PIK3CB: variants seen among roughly 807,000 people sequenced by gnomAD.
PIK3CB encodes phosphatidylinositol 4,5-bisphosphate 3-kinase catalytic subunit beta isoform.
Under a neutral mutation model 136.8 loss-of-function variants are expected in PIK3CB, and 39 were observed. That is an observed-to-expected ratio of 0.29 (90% CI 0.22 to 0.37). The LOEUF is 0.37. PIK3CB is among the 10% of genes least tolerant of loss of function. PIK3CB has a pLI of 1.00. For synonymous variants in PIK3CB, 428 were observed against 436.6 expected (o/e 0.98, Z 0.25); for missense variants, 868 against 1,275.4 (o/e 0.68, Z 4.87).
At position 138,763,023 on chromosome 3, in the gene PIK3CB, A is replaced by G. The variant is rs1417037511; in HGVS notation, c.-16-3664T>C. ...ACTTTGCTTATATTCAAATACCACC[A>G]TGCAAAGACAGAGGTGGAAGCCAGC... is the stretch of plus-strand genomic sequence containing the variant. On this transcript the variant is annotated intron_variant, in intron 2 of 23. Transcript: ENST00000674063. Among the ~76,000 whole-genome samples, 9 of 152,262 alleles carry G rather than the reference A, an allele frequency of 5.9e-5. No individual in the cohort carries two copies. The East Asian group carries it at 1.7e-3, about 29-fold the overall frequency.
chr3:138,672,954 AAGAAT>A (rs2043568047), intron 19 of PIK3CB, among the ~76,000 whole-genome samples: 1 of 151,730 alleles, frequency 6.6e-6, no homozygotes, highest in South Asian at 2.1e-4. Context: ...AGAGATGAAA[AAGAAT>A]AGAAAGTCTA....
chr3:138,752,929 G>T (rs1030617781), intron 4 of PIK3CB, among the ~76,000 whole-genome samples: 1 of 152,124 alleles, frequency 6.6e-6, no homozygotes, highest in Non-Finnish European at 1.5e-5. Flanking sequence ...GCAGGCATAG[G>T]AAGAGGTAAT....
chr3:138,705,186 C>CAA (rs1192112636), intron 11 of PIK3CB, among the ~76,000 whole-genome samples: 4 of 55,074 alleles, frequency 7.3e-5, no homozygotes, highest in East Asian at 1.3e-3. Flanking sequence ...AAAAACAAAA[C>CAA]AAACAAAAAA....
At chr3:138,805,633 C>T (rs1378315558) in intron 1 of PIK3CB, among the ~76,000 whole-genome samples, 1 of 151,952 alleles carries the variant, frequency 6.6e-6, no homozygotes, top group African/African-American at 2.4e-5. Flanking sequence ...GATTGCGCCA[C>T]AGCACTCCAG....
At chr3:138,778,375 C>T (rs975201451) in intron 2 of PIK3CB, 23 of 303,030 alleles carry the variant, frequency 7.6e-5, no homozygotes, top group African/African-American at 3.1e-4. Context: ...CACTGACATC[C>T]AGAAGACCAC....
intron 7 of PIK3CB, among the ~76,000 whole-genome samples, chr3:138,733,720 T>C (rs1325333570): frequency 6.6e-6 from 1 of 151,840 alleles, no homozygotes; most frequent in South Asian, 2.1e-4. Flanking sequence ...CTACTAAAAA[T>C]ACAAAAAATT....
At chr3:138,680,034 T>A (rs1210532177) in intron 19 of PIK3CB, among the ~76,000 whole-genome samples, 2 of 144,018 alleles carry the variant, frequency 1.4e-5, no homozygotes, top group Non-Finnish European at 3.0e-5. Flanking sequence ...AGGAAGCAAA[T>A]CTCTAATAAT....
At position 138,654,602 on chromosome 3, in the gene PIK3CB, A is replaced by T; in HGVS notation, c.*787T>A. On this transcript the variant is annotated 3_prime_UTR_variant, in exon 24 of 24. Coordinates refer to ENST00000674063, the MANE Select transcript of PIK3CB (RefSeq NM_006219.3). ...TTAATATGTGCCTCATTATAGAAGC[A>T]GCTGGAAGAACTGGATCACACAGTT... 4.4e-6 allele frequency: 1 copy of T among 227,414 alleles called. No individual in the cohort carries two copies. The highest frequency in any genetic ancestry group is 6.4e-5 in the East Asian group (1 of 15,726). 14.1% of individuals were successfully genotyped at this position (227,414 alleles called of 1,614,324 possible). A position where few individuals can be genotyped will look rare whatever the true frequency, so the allele number is the denominator to read the frequency against.
At chr3:138,680,438 T>C (rs944307161) in intron 19 of PIK3CB, among the ~76,000 whole-genome samples, 1 of 151,546 alleles carries the variant, frequency 6.6e-6, no homozygotes, top group Non-Finnish European at 1.5e-5. Flanking sequence ...TATAAAAAAA[T>C]ATGTGGTAAT....
At chr3:138,678,400 G>C (rs944565791) in intron 19 of PIK3CB, among the ~76,000 whole-genome samples, 1 of 151,828 alleles carries the variant, frequency 6.6e-6, no homozygotes, top group Non-Finnish European at 1.5e-5. Context: ...AATTTAAAAA[G>C]TATTTTATAG....
intron 2 of PIK3CB, among the ~76,000 whole-genome samples, chr3:138,781,215 C>T (rs2045919626): frequency 6.6e-6 from 1 of 151,724 alleles, no homozygotes; most frequent in Non-Finnish European, 1.5e-5. Flanking sequence ...TTGCTCGAGC[C>T]CAGTAGGTTG....
At chr3:138,795,103 T>A (rs1388348547) in intron 2 of PIK3CB, among the ~76,000 whole-genome samples, 1 of 152,028 alleles carries the variant, frequency 6.6e-6, no homozygotes, top group African/African-American at 2.4e-5. Flanking sequence ...GCAGATCACC[T>A]GAGGTCAGGA....
chr3:138,685,498 G>T (rs1173621011), intron 16 of PIK3CB, among the ~76,000 whole-genome samples: 1 of 148,468 alleles, frequency 6.7e-6, no homozygotes. Context: ...TAGAATTTGA[G>T]ACATCACTAA....
At chr3:138,666,135 T>C (rs1023867394) in intron 19 of PIK3CB, among the ~76,000 whole-genome samples, 13 of 152,176 alleles carry the variant, frequency 8.5e-5, no homozygotes, top group African/African-American at 3.1e-4. Context: ...TTGCACTTAT[T>C]TGATGCCTAG....
chr3:138,722,344 C>T (rs2044746675), intron 8 of PIK3CB, among the ~76,000 whole-genome samples: 1 of 151,754 alleles, frequency 6.6e-6, no homozygotes. Flanking sequence ...TATTTTGCAT[C>T]TGTTGTATGG....
intron 1 of PIK3CB, among the ~76,000 whole-genome samples, chr3:138,815,368 A>ACAAAAAAAC (rs1482653589): frequency 5.3e-4 from 56 of 105,960 alleles, no homozygotes; most frequent in South Asian, 1.5e-3. Flanking sequence ...AAAAAAAAAA[A>ACAAAAAAAC]AAAAAAACTA....
chr3:138,701,558 G>A (rs1043628792), intron 12 of PIK3CB, among the ~76,000 whole-genome samples: 8 of 152,002 alleles, frequency 5.3e-5, no homozygotes, highest in Non-Finnish European at 1.2e-4. Flanking sequence ...AGGCCGAGAC[G>A]GGCAGATCAC....
rs764195489 is a variant in PIK3CB, at chr3:138,653,256, T to C, written c.*2133A>G. 1.2e-4 allele frequency: 22 copies of C among 178,134 alleles called. No homozygotes were observed. The highest frequency in any genetic ancestry group is 2.0e-4 in the Non-Finnish European group (17 of 82,950). The allele number at this position is 178,134 out of a possible 1,614,324, so 11.0% of individuals were successfully genotyped here. On this transcript the variant is annotated 3_prime_UTR_variant, in exon 24 of 24. Coordinates refer to ENST00000674063, the MANE Select transcript of PIK3CB (RefSeq NM_006219.3). ...TAAATCTGAAATGTATACTGAGGCA[T>C]TGTGAGTAAAGAGCACAGATAATTA...
At chr3:138,799,176 CTT>C (rs1157343453) in intron 1 of PIK3CB, among the ~76,000 whole-genome samples, 9 of 130,922 alleles carry the variant, frequency 6.9e-5, no homozygotes, top group Non-Finnish European at 9.6e-5. Context: ...TCAAATCTTA[CTT>C]TTTTTTTTTT....
Sources: gnomAD v4.1 joint callset for allele counts (sites outside exome capture counted in the v4.1 genomes callset) on GRCh38, gnomAD v4.1.1 for gene constraint, MANE v1.5 for transcripts, NCBI Gene and HGNC (gene_info 2026-07-23, HGNC 2026-07-21) for gene names.